The following ESRRG variants were observed in gnomAD, a reference collection of about 807,000 sequenced individuals.
ESRRG encodes estrogen-related receptor gamma.
A neutral mutation model predicts 44.0 loss-of-function variants in ESRRG; 13 were observed. The observed-to-expected ratio is 0.30, with a 90% CI of 0.19 to 0.47. The LOEUF (loss-of-function observed/expected upper bound fraction) is 0.47, where lower values mean the gene tolerates loss of function less well. ESRRG is among the 20% of genes least tolerant of loss of function. The probability of loss-of-function intolerance (pLI) is 1.00; values close to 1 mark genes in which losing one functional copy is unlikely to be tolerated. For synonymous variants in ESRRG, 215 were observed against 214.6 expected (o/e 1.00, Z -0.02); for missense variants, 395 against 580.6 (o/e 0.68, Z 3.29).
At chr1:216,717,649 A>T (rs370124324) in intron 1 of ESRRG, among the ~76,000 whole-genome samples, 6 of 151,894 alleles carry the variant, frequency 4.0e-5, no homozygotes, top group African/African-American at 1.2e-4. Context: ...AAGCAATTGC[A>T]TAAGTGCTTT....
intron 2 of ESRRG, among the ~76,000 whole-genome samples, chr1:216,772,714 T>G (rs1379635639): frequency 6.6e-6 from 1 of 152,138 alleles, no homozygotes; most frequent in African/African-American, 2.4e-5. Flanking sequence ...TTTGTTTGTT[T>G]GTTTTTCACT....
chr1:216,562,386 T>G (rs149570127), intron 5 of ESRRG, among the ~76,000 whole-genome samples: 1,717 of 152,252 alleles, frequency 0.011, 31 homozygotes, highest in African/African-American at 0.039. Flanking sequence ...TGTGAATTTG[T>G]GCAAGTGTTT....
chr1:216,810,119 G>T (rs1379009033), intron 2 of ESRRG, among the ~76,000 whole-genome samples: 1 of 152,054 alleles, frequency 6.6e-6, no homozygotes, highest in Non-Finnish European at 1.5e-5. Context: ...GAGTGGTGGT[G>T]GCGAAAACAG....
At chr1:217,042,235 A>T (rs1331141437) in intron 1 of ESRRG, among the ~76,000 whole-genome samples, 1 of 152,194 alleles carries the variant, frequency 6.6e-6, no homozygotes, top group Admixed American at 6.5e-5. Flanking sequence ...GGAAATAGAG[A>T]AAGCATTTTA....
At chr1:216,821,462 G>C (rs1329812387) in intron 2 of ESRRG, among the ~76,000 whole-genome samples, 1 of 151,808 alleles carries the variant, frequency 6.6e-6, no homozygotes, top group African/African-American at 2.4e-5. Context: ...AAGGTGGGAG[G>C]ATCACTTTAG....
intron 5 of ESRRG, among the ~76,000 whole-genome samples, chr1:216,521,726 G>A (rs1206368066): frequency 6.6e-6 from 1 of 152,116 alleles, no homozygotes; most frequent in East Asian, 1.9e-4. Context: ...GTGGAAGGAG[G>A]AACTTTTTTA....
chr1:216,672,351 C>G (rs2151421426), intron 2 of ESRRG, among the ~76,000 whole-genome samples: 1 of 152,268 alleles, frequency 6.6e-6, no homozygotes, highest in East Asian at 1.9e-4. Flanking sequence ...TGAAAATAGT[C>G]AACAAGTAAA....
intron 1 of ESRRG, among the ~76,000 whole-genome samples, chr1:217,027,139 C>T (rs2081345026): frequency 6.6e-6 from 1 of 152,154 alleles, no homozygotes; most frequent in South Asian, 2.1e-4. Flanking sequence ...ACAAAGGCCA[C>T]ATGTTCCTTC....
chr1:216,765,642 A>T (rs1322126648), intron 2 of ESRRG, among the ~76,000 whole-genome samples: 1 of 152,134 alleles, frequency 6.6e-6, no homozygotes, highest in Non-Finnish European at 1.5e-5. Flanking sequence ...GTGAGCAAAC[A>T]AATAGAGGAC....
chr1:216,573,987 C>T (rs941878057), intron 3 of ESRRG, among the ~76,000 whole-genome samples: 5 of 152,012 alleles, frequency 3.3e-5, no homozygotes, highest in African/African-American at 1.2e-4. Context: ...GTGGCAAAGC[C>T]TGTCTCTGTA....
chr1:216,565,270 CAG>C (rs2059485394), intron 4 of ESRRG, among the ~76,000 whole-genome samples: 1 of 152,136 alleles, frequency 6.6e-6, no homozygotes, highest in African/African-American at 2.4e-5. Flanking sequence ...GTCTTGGTAA[CAG>C]AATGATTTTT....
chr1:216,780,996 A>C (rs568869678), intron 2 of ESRRG, among the ~76,000 whole-genome samples: 2 of 152,192 alleles, frequency 1.3e-5, no homozygotes, highest in Non-Finnish European at 2.9e-5. Flanking sequence ...TATAATTTCA[A>C]AATAAATAAT....
intron 2 of ESRRG, among the ~76,000 whole-genome samples, chr1:216,933,377 C>T (rs2063645793): frequency 6.6e-6 from 1 of 151,936 alleles, no homozygotes; most frequent in Non-Finnish European, 1.5e-5. Context: ...ATTTTCTAGC[C>T]CCACCTCTAT....
intron 5 of ESRRG, among the ~76,000 whole-genome samples, chr1:216,557,455 A>G (rs1202129595): frequency 1.3e-5 from 2 of 152,146 alleles, no homozygotes; most frequent in Non-Finnish European, 1.5e-5. Context: ...AAAAAAACAC[A>G]TTAAGTTAAA....
chr1:216,555,284 A>G (rs1018631233), intron 5 of ESRRG, among the ~76,000 whole-genome samples: 2 of 152,202 alleles, frequency 1.3e-5, no homozygotes, highest in Non-Finnish European at 1.5e-5. Flanking sequence ...TTCTAGTGGA[A>G]AAAGCCCTAT....
At chr1:217,035,277 G>C (rs1299655793) in intron 1 of ESRRG, among the ~76,000 whole-genome samples, 1 of 142,254 alleles carries the variant, frequency 7.0e-6, no homozygotes, top group African/African-American at 2.6e-5. Flanking sequence ...CTTGAGGCCA[G>C]GAGTTCGAGA....
At chr1:216,795,349 T>C (rs1367594569) in intron 2 of ESRRG, among the ~76,000 whole-genome samples, 11 of 144,794 alleles carry the variant, frequency 7.6e-5, no homozygotes, top group African/African-American at 2.5e-4. Context: ...TTTCTTTTTT[T>C]TTTTTTTTTT....
intron 4 of ESRRG, among the ~76,000 whole-genome samples, chr1:216,567,421 G>A (rs901825616): frequency 6.6e-6 from 1 of 152,064 alleles, no homozygotes; most frequent in Non-Finnish European, 1.5e-5. Context: ...GTCCATAAGG[G>A]CATCTCAGAT....
chr1:217,080,692 T>C (rs2091685504), intron 1 of ESRRG, among the ~76,000 whole-genome samples: 1 of 138,904 alleles, frequency 7.2e-6, no homozygotes, highest in African/African-American at 2.6e-5. Context: ...TTTTTTTTTT[T>C]TTTGAGACAG....
Sources: allele counts gnomAD v4.1 joint callset (sites outside exome capture counted in the v4.1 genomes callset), GRCh38; gene constraint gnomAD v4.1.1; transcripts MANE v1.5; gene names NCBI Gene and HGNC (gene_info 2026-07-23, HGNC 2026-07-21).